PLCXD1: variants seen among roughly 807,000 people sequenced by gnomAD.
The protein encoded by PLCXD1 is PI-PLC X domain-containing protein 1.
PLCXD1 carries 45 observed loss-of-function variants against 37.8 expected under a neutral mutation model. The observed-to-expected ratio is 1.19, with a 90% CI of 0.94 to 1.53. The LOEUF (loss-of-function observed/expected upper bound fraction) is 1.53, where lower values mean the gene tolerates loss of function less well. Among genes scored for constraint, PLCXD1 ranks in the 40% most tolerant of loss-of-function variants. The probability of loss-of-function intolerance (pLI) is 0.00; values close to 1 mark genes in which losing one functional copy is unlikely to be tolerated. For missense variants in PLCXD1, 539 were observed against 454.7 expected (o/e 1.19, Z -1.69); for synonymous variants, 246 against 206.9 (o/e 1.19, Z -1.62).
chrX:284,627 C>T (rs1172157300), intron 2 of PLCXD1, among the ~76,000 whole-genome samples: 1 of 150,114 alleles, frequency 6.7e-6, no homozygotes, highest in Non-Finnish European at 1.5e-5. Flanking sequence ...CACATCTGCA[C>T]ACGCACATCT....
At chrX:288,633 C>CAGCAGCCTGTGCTGTGGGT in intron 2 of PLCXD1, 100 bp from the exon 3 acceptor site, 1 of 1,288,094 alleles carries the variant, frequency 7.8e-7, no homozygotes, top group Non-Finnish European at 1.1e-6. Flanking sequence ...GTGCTGTGGG[C>CAGCAGCCTGTGCTGTGGGT]GGGCAGCAGC....
chrX:292,886 T>C (rs28390201), intron 5 of PLCXD1, 149 bp from the exon 6 acceptor site: 1 of 547,236 alleles, frequency 1.8e-6, no homozygotes, highest in Non-Finnish European at 3.3e-6. Context: ...GTGCTGGGAT[T>C]ACAGGCGTCA....
intron 1 of PLCXD1, chrX:283,030 A>G (rs2069325358): frequency 7.1e-6 from 1 of 141,768 alleles, no homozygotes; most frequent in Non-Finnish European, 1.5e-5. Flanking sequence ...TGTTATGTAT[A>G]TAATATGTAT....
chrX:292,759 T>C (rs931766556), intron 5 of PLCXD1, among the ~76,000 whole-genome samples: 38 of 152,006 alleles, frequency 2.5e-4, no homozygotes, highest in African/African-American at 7.9e-4. Context: ...ATGACAGGCG[T>C]GCACCACCGC....
chrX:291,517 T>A lies in PLCXD1; in HGVS notation c.412T>A (p.Ser138Thr). The A allele has an allele frequency of 6.2e-7, 1 of 1,612,654 alleles. No homozygotes were observed. The highest frequency in any genetic ancestry group is 1.1e-5 in the South Asian group (1 of 91,014). ...TCCCCAGGACACACTCACGGAAATC[T>A]CGGAGTGGCTGGAGCGGCATCCACG... ...ALVEDTLTEI[S>T]EWLERHPREV... The change falls in exon 5 of 7, where the codon TCG becomes ACG. Residue 138 changes from serine (S) to threonine (T), a missense_variant. Transcript: ENST00000381657.
At chrX:286,950 A>C (rs370439623) in intron 2 of PLCXD1, among the ~76,000 whole-genome samples, 10 of 151,268 alleles carry the variant, frequency 6.6e-5, no homozygotes, top group Non-Finnish European at 2.9e-5. Flanking sequence ...CTTCGTTCCA[A>C]TGCCTCTCGG....
At chrX:295,358 G>T (rs192270531) in intron 6 of PLCXD1, among the ~76,000 whole-genome samples, 2 of 151,956 alleles carry the variant, frequency 1.3e-5, no homozygotes, top group Non-Finnish European at 2.9e-5. Flanking sequence ...GGGCCGTCTC[G>T]GTCCTGCAGC....
chrX:282,277 G>T (rs765995921), intron 1 of PLCXD1, among the ~76,000 whole-genome samples: 1 of 152,126 alleles, frequency 6.6e-6, no homozygotes, highest in Admixed American at 6.6e-5. Context: ...AGCTACTCTG[G>T]AGGCTGAGGC....
chrX:280,290 G>C (rs1368998761), upstream of PLCXD1, among the ~76,000 whole-genome samples: 2 of 150,882 alleles, frequency 1.3e-5, no homozygotes, highest in African/African-American at 4.9e-5. Flanking sequence ...GGCCGTGCAG[G>C]AGGAGGGGAG....
At position 302,393 on chromosome X, in the gene PLCXD1, A is replaced by AC. The variant is rs2070044842; in HGVS notation, c.*3059dup. The AC allele has an allele frequency of 6.6e-6, 1 of 151,064 alleles. No individual in the cohort carries two copies. Among genetic ancestry groups the AC allele is most frequent in the Admixed American group, 6.6e-5 (1 of 15,126 alleles). 9.4% of individuals were successfully genotyped at this position (151,064 alleles called of 1,614,324 possible). A position where few individuals can be genotyped will look rare whatever the true frequency, so the allele number is the denominator to read the frequency against. ...AGTTTCAGACGCAGATCCTGCAAATACTTTTTTTTGTTTTTTTGAGATGGA... is the reference window on the plus strand; with the variant it reads ...AGTTTCAGACGCAGATCCTGCAAATACCTTTTTTTTGTTTTTTTGAGATGGA... On this transcript the variant is annotated 3_prime_UTR_variant, in exon 7 of 7. Coordinates refer to ENST00000381657, the MANE Select transcript of PLCXD1 (RefSeq NM_018390.4).
chrX:279,325 T>C (rs1251703630), upstream of PLCXD1, among the ~76,000 whole-genome samples: 2 of 152,146 alleles, frequency 1.3e-5, no homozygotes, highest in Non-Finnish European at 2.9e-5. Flanking sequence ...CCTGGACGTA[T>C]ATGTGCAAGT....
At chrX:284,101 G>A in intron 1 of PLCXD1, 66 bp from the exon 2 acceptor site, 1 of 1,313,226 alleles carries the variant, frequency 7.6e-7, no homozygotes, top group Admixed American at 1.8e-5. Context: ...AAGTTGGCCA[G>A]GCTGGTCTCG....
chrX:284,814 G>A (rs1004340095), intron 2 of PLCXD1, among the ~76,000 whole-genome samples: 2 of 152,238 alleles, frequency 1.3e-5, no homozygotes, highest in African/African-American at 4.8e-5. Flanking sequence ...AATCACGGCA[G>A]AAGGTGAATG....
chrX:290,784 C>T lies in PLCXD1; in HGVS notation c.393+8C>T, dbSNP rs6603167. 515,811 of 1,565,618 alleles carry T rather than the reference C, an allele frequency of 0.33. 95,393 individuals carry two copies. Among genetic ancestry groups the T allele is most frequent in the African/African-American group, 0.81 (53,208 of 65,620 alleles). On this transcript the variant is annotated splice_region_variant and intron_variant, in intron 4 of 6. Coordinates refer to ENST00000381657, the MANE Select transcript of PLCXD1 (RefSeq NM_018390.4). ...ACAACGGCGCTGGTGGAGGTGCGGC[C>T]GGGCTGAGGTGGGACGCAATGGGGA...
Position 292,907 on chromosome X carries a change from C to T in PLCXD1, c.550-128C>T, listed in dbSNP as rs1211652581. ...GGATTACAGGCGTCAGCCACTGCGC[C>T]CGGCCAGAATTTCATTTTTGGTTTA... On this transcript the variant is annotated intron_variant, in intron 5 of 6. Coordinates refer to ENST00000381657, the MANE Select transcript of PLCXD1 (RefSeq NM_018390.4). The T allele has an allele frequency of 4.9e-6, 3 of 611,892 alleles. No homozygotes were observed. In the East Asian group the frequency reaches 8.7e-5, roughly 18 times the overall value. The allele number at this position is 611,892 out of a possible 1,614,324, so 37.9% of individuals were successfully genotyped here.
chrX:276,456 G>A (rs769753577), upstream of PLCXD1: 13 of 152,348 alleles, frequency 8.5e-5, no homozygotes, highest in East Asian at 3.9e-4. Context: ...GGCGGGTGCC[G>A]TCTGTGCCTG....
chrX:288,673 C>CA, intron 2 of PLCXD1, 60 bp from the exon 3 acceptor site: 1 of 1,590,360 alleles, frequency 6.3e-7, no homozygotes, highest in Admixed American at 1.7e-5. Flanking sequence ...TGGAGCGACT[C>CA]ACAGCAGGTG....
intron 2 of PLCXD1, 42 bp downstream of exon 2, chrX:284,356 G>C: frequency 6.2e-7 from 1 of 1,609,274 alleles, no homozygotes; most frequent in South Asian, 1.1e-5. Flanking sequence ...TCTATCCCAG[G>C]TGACGGCAGG....
chrX:291,354 T>C lies in PLCXD1; in HGVS notation c.394-145T>C, dbSNP rs1031249648. 13 of 800,326 alleles carry C rather than the reference T, an allele frequency of 1.6e-5. 1 individual carries two copies. Among genetic ancestry groups the C allele is most frequent in the South Asian group, 6.3e-5 (4 of 63,342 alleles). The allele number at this position is 800,326 out of a possible 1,614,324, so 49.6% of individuals were successfully genotyped here. Reference sequence around the variant, plus strand: ...AGATACGGGGTTTCACCATGTTGGCTAGGCTGGTCTCAAACTCCTAACCTC... The same window carrying C: ...AGATACGGGGTTTCACCATGTTGGCCAGGCTGGTCTCAAACTCCTAACCTC... On this transcript the variant is annotated intron_variant, in intron 4 of 6. Coordinates refer to ENST00000381657, the MANE Select transcript of PLCXD1 (RefSeq NM_018390.4).
Sources: gnomAD v4.1 joint callset for allele counts (sites outside exome capture counted in the v4.1 genomes callset) on GRCh38, gnomAD v4.1.1 for gene constraint, MANE v1.5 for transcripts, NCBI Gene and HGNC (gene_info 2026-07-23, HGNC 2026-07-21) for gene names.